The following ADK variants were observed in gnomAD, a reference collection of about 807,000 sequenced individuals.
The protein encoded by ADK is N6,N6-dimethyladenosine kinase.
ADK carries 24 observed loss-of-function variants against 44.7 expected under a neutral mutation model. The ratio of observed to expected loss-of-function variants is 0.54; its 90% confidence interval spans 0.39 to 0.76. ADK has a LOEUF of 0.76. Ranked by LOEUF, ADK falls within the 30% of genes least tolerant of loss-of-function variation. The probability of loss-of-function intolerance (pLI) is 0.00; values close to 1 mark genes in which losing one functional copy is unlikely to be tolerated. For missense variants in ADK, 321 were observed against 425.1 expected (o/e 0.76, Z 2.15); for synonymous variants, 128 against 142.6 (o/e 0.90, Z 0.73).
intron 3 of ADK, among the ~76,000 whole-genome samples, chr10:74,225,912 T>A (rs1436821712): frequency 6.6e-6 from 1 of 152,210 alleles, no homozygotes; most frequent in African/African-American, 2.4e-5. Flanking sequence ...AATTAAGTAG[T>A]TGGTGAGCCT....
At chr10:74,619,805 G>A (rs920421772) in intron 9 of ADK, among the ~76,000 whole-genome samples, 23 of 152,122 alleles carry the variant, frequency 1.5e-4, no homozygotes, top group African/African-American at 3.1e-4. Flanking sequence ...ACTGCAACCC[G>A]TATCTTGCAG....
chr10:74,222,944 T>C (rs1169142163), intron 2 of ADK, among the ~76,000 whole-genome samples: 1 of 152,044 alleles, frequency 6.6e-6, no homozygotes, highest in Non-Finnish European at 1.5e-5. Flanking sequence ...CACACCAGCA[T>C]GTCACATGCA....
At chr10:74,202,082 T>C (rs1232663981) in intron 2 of ADK, among the ~76,000 whole-genome samples, 1 of 152,132 alleles carries the variant, frequency 6.6e-6, no homozygotes, top group East Asian at 1.9e-4. Context: ...CAGTAAGTAG[T>C]CATTCGCTAT....
At chr10:74,453,487 C>T (rs753634200) in intron 6 of ADK, among the ~76,000 whole-genome samples, 1 of 152,040 alleles carries the variant, frequency 6.6e-6, no homozygotes. Context: ...TAATGCAGTT[C>T]ATTGATGTGA....
At chr10:74,505,168 T>C (rs1210918601) in intron 6 of ADK, among the ~76,000 whole-genome samples, 1 of 152,086 alleles carries the variant, frequency 6.6e-6, no homozygotes, top group Non-Finnish European at 1.5e-5. Context: ...TACGTTGTAA[T>C]TTCTGTCTTA....
chr10:74,685,038 T>C (rs1365005512), intron 10 of ADK, among the ~76,000 whole-genome samples: 1 of 152,222 alleles, frequency 6.6e-6, no homozygotes, highest in Non-Finnish European at 1.5e-5. Context: ...CTGCATTAGC[T>C]ACTGAGCTTC....
At position 74,498,496 on chromosome 10, in the gene ADK, C is replaced by T. The variant is rs1759027091; in HGVS notation, c.556-26760C>T. ...AAAGATTATTTGAGAAACATATAAT[C>T]TATCCTTTTCTCTAATAACTCTACA... On this transcript the variant is annotated intron_variant, in intron 6 of 10. Transcript: ENST00000539909. Among the ~76,000 whole-genome samples, 3 of 152,166 alleles carry T rather than the reference C, an allele frequency of 2.0e-5. No homozygotes were observed. The South Asian group carries it at 6.2e-4, about 32-fold the overall frequency.
chr10:74,332,627 C>T (rs1166252086), intron 4 of ADK, among the ~76,000 whole-genome samples: 3 of 152,118 alleles, frequency 2.0e-5, no homozygotes, highest in Non-Finnish European at 2.9e-5. Context: ...AATTGAGAGT[C>T]ATCAGTAGTG....
chr10:74,362,879 G>C (rs1193038983), intron 4 of ADK, among the ~76,000 whole-genome samples: 2 of 152,208 alleles, frequency 1.3e-5, no homozygotes, highest in Non-Finnish European at 2.9e-5. Context: ...GGAGGTAGTT[G>C]GGCTGCCTGG....
intron 6 of ADK, among the ~76,000 whole-genome samples, chr10:74,463,081 AT>A (rs139691310): frequency 0.011 from 1,705 of 151,658 alleles, 38 homozygotes; most frequent in African/African-American, 0.039. Context: ...TGATTATTTT[AT>A]TTTTTTTCTA....
At chr10:74,466,454 A>T (rs567930848) in intron 6 of ADK, among the ~76,000 whole-genome samples, 1 of 152,244 alleles carries the variant, frequency 6.6e-6, no homozygotes, top group Admixed American at 6.5e-5. Flanking sequence ...TTACACCTAT[A>T]GTCTTAGTTT....
At chr10:74,695,465 T>C (rs1856143299) in intron 10 of ADK, among the ~76,000 whole-genome samples, 1 of 139,392 alleles carries the variant, frequency 7.2e-6, no homozygotes. Flanking sequence ...TGCTCTTGTA[T>C]ATATATATGT....
chr10:74,426,117 T>TGG, intron 6 of ADK, among the ~76,000 whole-genome samples: 1 of 152,204 alleles, frequency 6.6e-6, no homozygotes, highest in Non-Finnish European at 1.5e-5. Flanking sequence ...TACATTTTTA[T>TGG]ATAATTTGCA....
chr10:74,464,186 C>T (rs546977399), intron 6 of ADK, among the ~76,000 whole-genome samples: 1 of 151,896 alleles, frequency 6.6e-6, no homozygotes, highest in South Asian at 2.1e-4. Context: ...TGTCTATATC[C>T]TTTGTGTTCA....
intron 3 of ADK, among the ~76,000 whole-genome samples, chr10:74,287,348 C>G (rs1043140191): frequency 1.3e-5 from 2 of 151,932 alleles, no homozygotes; most frequent in African/African-American, 4.8e-5. Flanking sequence ...CCTGTAATCC[C>G]AGCTACTCAG....
At chr10:74,380,736 C>T (rs570545126) in intron 4 of ADK, among the ~76,000 whole-genome samples, 18 of 151,844 alleles carry the variant, frequency 1.2e-4, no homozygotes, top group African/African-American at 3.4e-4. Context: ...CCAGCCTGGG[C>T]GACAGAGTGA....
At chr10:74,230,008 C>T (rs184678855) in intron 3 of ADK, among the ~76,000 whole-genome samples, 2 of 150,962 alleles carry the variant, frequency 1.3e-5, no homozygotes, top group African/African-American at 4.9e-5. Flanking sequence ...CCACTGTGCT[C>T]CAGCCTGGGT....
At chr10:74,262,157 A>G (rs1846060822) in intron 3 of ADK, among the ~76,000 whole-genome samples, 1 of 152,074 alleles carries the variant, frequency 6.6e-6, no homozygotes, top group African/African-American at 2.4e-5. Context: ...TGTGTCTACT[A>G]AAAGTACAAA....
chr10:74,471,483 TG>T, intron 6 of ADK, among the ~76,000 whole-genome samples: 1 of 152,318 alleles, frequency 6.6e-6, no homozygotes, highest in East Asian at 1.9e-4. Flanking sequence ...TTATGGTATT[TG>T]GGGGCCTTTG....
Sources: gnomAD v4.1 joint callset for allele counts (sites outside exome capture counted in the v4.1 genomes callset) on GRCh38, gnomAD v4.1.1 for gene constraint, MANE v1.5 for transcripts, NCBI Gene and HGNC (gene_info 2026-07-23, HGNC 2026-07-21) for gene names.